Variants in CCDC192 observed in about 807,000 individuals in gnomAD.
The protein encoded by CCDC192 is coiled-coil domain containing 192, also known as coiled-coil domain-containing protein 192.
At position 127,842,936 on chromosome 5, in the gene CCDC192, C is replaced by T. The variant is rs1580738067; in HGVS notation, c.412-32602C>T. Among the ~76,000 whole-genome samples the T allele has an allele frequency of 2.0e-5, 3 of 151,588 alleles. No homozygotes were observed. In the South Asian group the frequency reaches 6.2e-4, roughly 32 times the overall value. ...GCCTTCCTGGACATACTGCCTATGG[C>T]GAAAAGTGCAAGGAATTGGAGTTTC... is the stretch of plus-strand genomic sequence containing the variant. On this transcript the variant is annotated intron_variant, in intron 5 of 6. Transcript: ENST00000514853.
chr5:127,730,716 T>G (rs951659566), intron 2 of CCDC192, among the ~76,000 whole-genome samples: 2 of 152,042 alleles, frequency 1.3e-5, no homozygotes, highest in Non-Finnish European at 1.5e-5. Context: ...GTTCAACATA[T>G]GCAAATCAAT....
At chr5:127,744,081 G>C (rs1016369148) in intron 2 of CCDC192, among the ~76,000 whole-genome samples, 36 of 133,998 alleles carry the variant, frequency 2.7e-4, no homozygotes, top group African/African-American at 1.0e-3. Flanking sequence ...GCTACAGAGC[G>C]AGACTCCGTC....
chr5:127,763,010 C>T (rs1386464581), intron 3 of CCDC192, among the ~76,000 whole-genome samples: 1 of 151,902 alleles, frequency 6.6e-6, no homozygotes, highest in African/African-American at 2.4e-5. Flanking sequence ...TGCCATTTTG[C>T]AAATGATGAA....
intron 3 of CCDC192, among the ~76,000 whole-genome samples, chr5:127,756,144 A>G (rs1754578751): frequency 6.6e-6 from 1 of 152,072 alleles, no homozygotes; most frequent in South Asian, 2.1e-4. Context: ...AAGAAAAAAA[A>G]AAAAAGTACA....
intron 2 of CCDC192, among the ~76,000 whole-genome samples, chr5:127,752,611 C>A (rs1754266498): frequency 6.6e-6 from 1 of 152,246 alleles, no homozygotes; most frequent in Non-Finnish European, 1.5e-5. Flanking sequence ...CAGAGGCAGG[C>A]AGGCCTCCTT....
At chr5:127,792,174 A>G (rs998221244) in intron 3 of CCDC192, among the ~76,000 whole-genome samples, 8 of 152,194 alleles carry the variant, frequency 5.3e-5, no homozygotes, top group Non-Finnish European at 8.8e-5. Context: ...CTGCTAATAA[A>G]GACATACCTG....
At chr5:127,797,754 TA>T (rs55989958) in intron 4 of CCDC192, among the ~76,000 whole-genome samples, 4,292 of 138,042 alleles carry the variant, frequency 0.031, 166 homozygotes, top group African/African-American at 0.062. Context: ...TATATATATA[TA>T]TATATATATA....
At chr5:127,891,817 T>C (rs1421196108) in intron 6 of CCDC192, among the ~76,000 whole-genome samples, 1 of 152,240 alleles carries the variant, frequency 6.6e-6, no homozygotes, top group Non-Finnish European at 1.5e-5. Context: ...TCTGGTTCTT[T>C]CTACTCCATC....
At chr5:127,785,299 T>G in intron 3 of CCDC192, 2 of 482,050 alleles carry the variant, frequency 4.1e-6, no homozygotes, top group Non-Finnish European at 8.3e-6. Flanking sequence ...CAAGACTGCT[T>G]AAAGGGCCAG....
At position 127,787,493 on chromosome 5, in the gene CCDC192, G is replaced by A. The variant is rs887317239; in HGVS notation, c.223-9610G>A. Reference sequence around the variant, plus strand: ...TTGTGATTTTTTCTTTGTCCCACTGGTTGTTTAAGAGTGTGTTATTTCTGT... The same window carrying A: ...TTGTGATTTTTTCTTTGTCCCACTGATTGTTTAAGAGTGTGTTATTTCTGT... On this transcript the variant is annotated intron_variant, in intron 3 of 6. Coordinates refer to ENST00000514853, the MANE Select transcript of CCDC192 (RefSeq NM_001317938.2). Among the ~76,000 whole-genome samples, 10 of 152,090 alleles carry A rather than the reference G, an allele frequency of 6.6e-5. No individual in the cohort carries two copies. In the East Asian group the frequency reaches 1.9e-3, roughly 29 times the overall value.
At chr5:127,730,523 G>A (rs968621548) in intron 2 of CCDC192, among the ~76,000 whole-genome samples, 1 of 152,106 alleles carries the variant, frequency 6.6e-6, no homozygotes, top group African/African-American at 2.4e-5. Context: ...CTCATTTTAT[G>A]AGGCCAACAT....
chr5:127,861,915 A>G (rs535502607), intron 5 of CCDC192, among the ~76,000 whole-genome samples: 2 of 152,330 alleles, frequency 1.3e-5, no homozygotes, highest in South Asian at 4.1e-4. Context: ...TCATTGAAAT[A>G]ACTGAAAAAT....
chr5:127,913,430 G>T (rs139215453), intron 6 of CCDC192, among the ~76,000 whole-genome samples: 1 of 152,150 alleles, frequency 6.6e-6, no homozygotes, highest in Non-Finnish European at 1.5e-5. Context: ...AGGCCTCACT[G>T]ACCACCAAAG....
chr5:127,803,666 C>G (rs1757627895), intron 5 of CCDC192, among the ~76,000 whole-genome samples: 1 of 152,178 alleles, frequency 6.6e-6, no homozygotes, highest in East Asian at 1.9e-4. Context: ...ATCTGCAGTA[C>G]TCCAGATGTC....
At chr5:127,935,457 T>C (rs1754162555) in intron 6 of CCDC192, 1 of 152,238 alleles carries the variant, frequency 6.6e-6, no homozygotes, top group South Asian at 2.1e-4. Context: ...TAGCAAGAAG[T>C]ATTTAGAAAA....
rs555386868 is a variant in CCDC192, at chr5:127,720,907, G to A, written c.114+13147G>A. ...GAGTGGCTATAGTGCATGGCACCAT[G>A]TCCTGAGGCTGTACAGAGCAGCAGG... On this transcript the variant is annotated intron_variant, in intron 2 of 6. Transcript: ENST00000514853. Among the ~76,000 whole-genome samples the A allele has an allele frequency of 5.3e-5, 8 of 152,324 alleles. No individual in the cohort carries two copies. The South Asian group carries it at 1.5e-3, about 28-fold the overall frequency.
intron 5 of CCDC192, chr5:127,838,608 T>A (rs1291095231): frequency 6.6e-6 from 1 of 152,142 alleles, no homozygotes; most frequent in Non-Finnish European, 1.5e-5. Flanking sequence ...TTTTCTTAGG[T>A]CCACTGAAAC....
intron 2 of CCDC192, chr5:127,739,712 C>T (rs1165419804): frequency 1.3e-5 from 2 of 152,522 alleles, no homozygotes; most frequent in African/African-American, 4.8e-5. Context: ...ATCTGTCACC[C>T]CTTTCTTTGA....
Position 127,895,015 on chromosome 5 carries a change from A to G in CCDC192, c.535+19354A>G, listed in dbSNP as rs573988325. 4.6e-4 allele frequency among the ~76,000 whole-genome samples: 70 copies of G among 152,236 alleles called. 1 individual carries two copies. The highest frequency in any genetic ancestry group is 1.6e-3 in the African/African-American group (66 of 41,544). On this transcript the variant is annotated intron_variant, in intron 6 of 6. Coordinates refer to ENST00000514853, the MANE Select transcript of CCDC192 (RefSeq NM_001317938.2). ...TCCCTGCAACTTTTATTTTGAGTTC[A>G]GGGGTACATGTGTAGGATGTGCAGT...
Sources: allele counts gnomAD v4.1 joint callset (sites outside exome capture counted in the v4.1 genomes callset), GRCh38; gene constraint gnomAD v4.1.1; transcripts MANE v1.5; gene names NCBI Gene and HGNC (gene_info 2026-07-23, HGNC 2026-07-21).